Variants in PLSCR1 observed in about 807,000 individuals in gnomAD.
PLSCR1 encodes the protein PL scramblase 1.
Under a neutral mutation model 37.8 loss-of-function variants are expected in PLSCR1, and 17 were observed. The observed-to-expected ratio is 0.45, with a 90% CI of 0.31 to 0.68. The LOEUF (loss-of-function observed/expected upper bound fraction) is 0.68, where lower values mean the gene tolerates loss of function less well. Among genes scored for constraint, PLSCR1 ranks in the 30% least tolerant of loss-of-function variants. The pLI, the probability that PLSCR1 is intolerant of heterozygous loss-of-function variation, is 0.06. For synonymous variants in PLSCR1, 116 were observed against 125.9 expected, an observed-to-expected ratio of 0.92 and a Z score of 0.53; for missense variants, 347 against 380.9, an observed-to-expected ratio of 0.91 and a Z score of 0.74.
chr3:146,527,645 G>C (rs978895430), intron 4 of PLSCR1, among the ~76,000 whole-genome samples: 1 of 152,016 alleles, frequency 6.6e-6, no homozygotes, highest in Non-Finnish European at 1.5e-5. Context: ...TATTTTATGA[G>C]ACTCTGATTT....
At position 146,521,721 on chromosome 3, in the gene PLSCR1, A is replaced by G; in HGVS notation, c.577-16T>C. The G allele has an allele frequency of 6.2e-7, 1 of 1,601,460 alleles. No individual in the cohort carries two copies. Among genetic ancestry groups the G allele is most frequent in the Middle Eastern group, 1.7e-4 (1 of 6,030 alleles). ...GGATTTCTATCTACAAAGGCAAAATAATATATGTAAATGTAATAATCATAA... is the reference window on the plus strand; with the variant it reads ...GGATTTCTATCTACAAAGGCAAAATGATATATGTAAATGTAATAATCATAA... On this transcript the variant is annotated splice_polypyrimidine_tract_variant and intron_variant, in intron 6 of 8. Transcript: ENST00000342435.
At chr3:146,525,467 G>C in intron 5 of PLSCR1, 138 bp downstream of exon 5, 1 of 589,468 alleles carries the variant, frequency 1.7e-6, no homozygotes, top group Non-Finnish European at 3.0e-6. Flanking sequence ...ATGAATTGCT[G>C]ATAACATTTA....
intron 4 of PLSCR1, among the ~76,000 whole-genome samples, chr3:146,525,949 C>G (rs985973903): frequency 6.6e-6 from 1 of 151,120 alleles, no homozygotes; most frequent in African/African-American, 2.4e-5. Context: ...TTTGGGAGGC[C>G]AAAGTGGGCA....
chr3:146,528,775 C>T lies in PLSCR1; in HGVS notation c.151G>A (p.Ala51Thr), dbSNP rs1405139594. 2 of 1,614,140 alleles carry T rather than the reference C, an allele frequency of 1.2e-6. No individual in the cohort carries two copies. The highest frequency in any genetic ancestry group is 1.7e-6 in the Non-Finnish European group (2 of 1,180,014). ...GPQVSYPPPP[A>T]GHSGPGPAGF... ...GCTGGGCCAGGACCTGAATGGCCGG[C>T]TGGTGGGGGTGGGTAGCTGACCTGG... The change falls in exon 4 of 9, where the codon GCC (alanine) becomes ACC (threonine). Residue 51 changes from alanine (A) to threonine (T), a missense_variant. Physicochemically the swap from Ala to Thr is moderately conservative, Grantham distance 58. Coordinates refer to ENST00000342435, the MANE Select transcript of PLSCR1 (RefSeq NM_021105.3).
intron 5 of PLSCR1, among the ~76,000 whole-genome samples, chr3:146,522,754 C>T (rs1304773097): frequency 6.6e-6 from 1 of 152,166 alleles, no homozygotes; most frequent in Non-Finnish European, 1.5e-5. Flanking sequence ...AGGAAGGTAT[C>T]TGTCTCCTGC....
intron 3 of PLSCR1, among the ~76,000 whole-genome samples, chr3:146,530,384 T>C (rs1329864547): frequency 6.6e-6 from 1 of 152,200 alleles, no homozygotes; most frequent in Non-Finnish European, 1.5e-5. Flanking sequence ...ATGATCATAA[T>C]GTGACTGGCT....
intron 5 of PLSCR1, among the ~76,000 whole-genome samples, chr3:146,522,261 T>C (rs771600591): frequency 1.6e-4 from 24 of 152,116 alleles, no homozygotes; most frequent in Non-Finnish European, 2.9e-4. Flanking sequence ...TAAGTCCTTA[T>C]GCCGTGGGGA....
Position 146,526,995 on chromosome 3 carries a change from G to T in PLSCR1, c.313-1348C>A, listed in dbSNP as rs146217408. Among the ~76,000 whole-genome samples the T allele has an allele frequency of 6.6e-3, 998 of 152,250 alleles. 10 individuals carry two copies. The highest frequency in any genetic ancestry group is 0.022 in the African/African-American group (932 of 41,542). ...TCTACTAAAAATACAAAAATGAGCT[G>T]GGTGTGGTGGCAGGAGCCTGTAGCC... On this transcript the variant is annotated intron_variant, in intron 4 of 8. Coordinates refer to ENST00000342435, the MANE Select transcript of PLSCR1 (RefSeq NM_021105.3).
intron 5 of PLSCR1, among the ~76,000 whole-genome samples, chr3:146,524,165 A>T (rs1441790573): frequency 6.6e-6 from 1 of 152,218 alleles, no homozygotes; most frequent in East Asian, 1.9e-4. Context: ...TTCATTATCT[A>T]ATTAATTGTT....
rs775774381 is a variant in PLSCR1, at chr3:146,521,557, T to A, written c.725A>T (p.Asp242Val). 22 of 1,612,366 alleles carry A rather than the reference T, an allele frequency of 1.4e-5. No homozygotes were observed. In the East Asian group the frequency reaches 4.9e-4, roughly 36 times the overall value. ...GPCVVCSCCG[D>V]VDFEIKSLDE... ...GACATCTCTTACCTCAAAATCAACA[T>A]CTCCACAACAGCTGCACACAACACA... The change falls in exon 7 of 9, where the codon GAT becomes GTT. Residue 242 changes from aspartate (D) to valine (V), a missense_variant. Physicochemically the swap from Asp to Val is radical, Grantham distance 152. Transcript: ENST00000342435.
At chr3:146,533,623 C>T (rs1183164196) in intron 2 of PLSCR1, 73 bp from the exon 3 acceptor site, 6 of 883,658 alleles carry the variant, frequency 6.8e-6, no homozygotes, top group Non-Finnish European at 1.1e-5. Flanking sequence ...ATGTATTGTA[C>T]TTAGATAATT....
intron 2 of PLSCR1, 45 bp downstream of exon 2, chr3:146,536,495 T>A: frequency 1.0e-6 from 1 of 999,276 alleles, no homozygotes; most frequent in Non-Finnish European, 1.6e-6. Context: ...ACCAACAGAT[T>A]AACATTATAA....
At chr3:146,533,620 G>A in intron 2 of PLSCR1, 70 bp from the exon 3 acceptor site, 1 of 901,212 alleles carries the variant, frequency 1.1e-6, no homozygotes, top group Non-Finnish European at 1.8e-6. Context: ...ACAATGTATT[G>A]TACTTAGATA....
intron 7 of PLSCR1, chr3:146,520,060 G>C (rs891887034): frequency 6.6e-6 from 1 of 151,874 alleles, no homozygotes; most frequent in Non-Finnish European, 1.5e-5. Flanking sequence ...GTTCCTTAGT[G>C]GTCCCTCATA....
chr3:146,518,425 T>C (rs140653627), intron 7 of PLSCR1, among the ~76,000 whole-genome samples: 81 of 152,330 alleles, frequency 5.3e-4, no homozygotes, highest in African/African-American at 1.9e-3. Context: ...AAACACTTAT[T>C]GCAAGCTGCT....
intron 5 of PLSCR1, among the ~76,000 whole-genome samples, chr3:146,524,663 A>C (rs1238369998): frequency 6.6e-6 from 1 of 152,134 alleles, no homozygotes; most frequent in African/African-American, 2.4e-5. Context: ...TCAGAATACA[A>C]AGCTGTCTTC....
intron 3 of PLSCR1, 27 bp from the exon 4 acceptor site, chr3:146,528,858 T>G (rs750328340): frequency 3.3e-5 from 51 of 1,547,362 alleles, no homozygotes; most frequent in Admixed American, 5.3e-5. Flanking sequence ...TGAAATGATT[T>G]GTAACTGCAC....
chr3:146,519,219 T>C (rs2043985634), intron 7 of PLSCR1, among the ~76,000 whole-genome samples: 1 of 152,160 alleles, frequency 6.6e-6, no homozygotes, highest in Non-Finnish European at 1.5e-5. Flanking sequence ...CTGGCTCCAG[T>C]GTCTATACTC....
intron 3 of PLSCR1, among the ~76,000 whole-genome samples, chr3:146,532,179 A>G (rs576505545): frequency 6.6e-5 from 10 of 152,308 alleles, no homozygotes; most frequent in African/African-American, 2.2e-4. Context: ...CTCAAGTCTG[A>G]TTATATCTGA....
Sources: gnomAD v4.1 joint callset for allele counts (sites outside exome capture counted in the v4.1 genomes callset) on GRCh38, gnomAD v4.1.1 for gene constraint, MANE v1.5 for transcripts, NCBI Gene and HGNC (gene_info 2026-07-23, HGNC 2026-07-21) for gene names.